VGLL3: variants seen among roughly 807,000 people sequenced by gnomAD.
The protein encoded by VGLL3 is transcription cofactor vestigial-like protein 3.
In VGLL3, 18 loss-of-function variants were observed where a neutral mutation model predicts 29.2. That is an observed-to-expected ratio of 0.62 (90% CI 0.43 to 0.91). The LOEUF (loss-of-function observed/expected upper bound fraction) is 0.91. VGLL3 is among the 40% of genes least tolerant of loss of function. VGLL3 has a pLI of 0.00. For missense variants in VGLL3, 440 were observed against 413.2 expected, an observed-to-expected ratio of 1.06 and a Z score of -0.56; for synonymous variants, 180 against 151.8, an observed-to-expected ratio of 1.19 and a Z score of -1.36.
intron 1 of VGLL3, among the ~76,000 whole-genome samples, chr3:86,982,197 T>A (rs1434337119): frequency 2.0e-5 from 3 of 152,148 alleles, no homozygotes; most frequent in Admixed American, 6.5e-5. Context: ...CAGGCTGGAG[T>A]GCAATGGTGT....
At position 86,990,995 on chromosome 3, in the gene VGLL3, T is replaced by C; in HGVS notation, c.-252A>G. Reference sequence around the variant, plus strand: ...CCGGATGTTCCCTGCCGCGCTTATATAGCGGCTCAGGGACGCAGCCGCCCG... The same window carrying C: ...CCGGATGTTCCCTGCCGCGCTTATACAGCGGCTCAGGGACGCAGCCGCCCG... On this transcript the variant is annotated 5_prime_UTR_variant, in exon 1 of 4. Transcript: ENST00000398399. 1.0e-6 allele frequency: 1 copy of C among 963,312 alleles called. No individual in the cohort carries two copies. Among genetic ancestry groups the C allele is most frequent in the Non-Finnish European group, 1.3e-6 (1 of 799,742 alleles). The allele number at this position is 963,312 out of a possible 1,614,324, so 59.7% of individuals were successfully genotyped here.
intron 2 of VGLL3, among the ~76,000 whole-genome samples, chr3:86,974,931 A>G (rs1575874871): frequency 2.0e-5 from 3 of 152,198 alleles, no homozygotes; most frequent in Admixed American, 6.5e-5. Flanking sequence ...TTTGTTTTCT[A>G]TGTGTCAAAT....
rs941170499 is a variant in VGLL3, at chr3:86,946,068, T to A, written c.*956A>T. 4 of 152,176 alleles carry A rather than the reference T, an allele frequency of 2.6e-5. No individual in the cohort carries two copies. Among genetic ancestry groups the A allele is most frequent in the African/African-American group, 9.6e-5 (4 of 41,460 alleles). 9.4% of individuals were successfully genotyped at this position (152,176 alleles called of 1,614,324 possible). ...AAGTAAAATAAGTCACTGGCACTCA[T>A]AGGTGGCATGGTTAAATGCATTTTT... On this transcript the variant is annotated 3_prime_UTR_variant, in exon 4 of 4. Coordinates refer to ENST00000398399, the MANE Select transcript of VGLL3 (RefSeq NM_016206.4).
chr3:86,988,344 A>G (rs574628184), intron 1 of VGLL3, among the ~76,000 whole-genome samples: 144 of 152,176 alleles, frequency 9.5e-4, no homozygotes, highest in Middle Eastern at 3.4e-3. Flanking sequence ...GTACGGAGAA[A>G]ACAATCTTCA....
At chr3:86,966,223 G>A (rs930959347) in intron 3 of VGLL3, among the ~76,000 whole-genome samples, 1 of 152,020 alleles carries the variant, frequency 6.6e-6, no homozygotes, top group African/African-American at 2.4e-5. Context: ...CAGTAACGGA[G>A]CTCTAAGCTG....
chr3:86,955,088 G>T (rs1704691225), intron 3 of VGLL3, among the ~76,000 whole-genome samples: 1 of 151,914 alleles, frequency 6.6e-6, no homozygotes, highest in Admixed American at 6.6e-5. Context: ...ATCAAAGAAA[G>T]AGCTAATCTG....
At position 86,991,023 on chromosome 3, in the gene VGLL3, G is replaced by T. The variant is rs754775844; in HGVS notation, c.-280C>A. On this transcript the variant is annotated 5_prime_UTR_variant, in exon 1 of 4. Transcript: ENST00000398399. ...CGGCTCAGGGACGCAGCCGCCCGCT[G>T]CGCCGCTGGGGCATTACCGCGTCCG... 1 of 811,014 alleles carries T rather than the reference G, an allele frequency of 1.2e-6. No individual in the cohort carries two copies. Among genetic ancestry groups the T allele is most frequent in the Non-Finnish European group, 1.5e-6 (1 of 665,166 alleles). 50.2% of individuals were successfully genotyped at this position (811,014 alleles called of 1,614,324 possible). A position where few individuals can be genotyped will look rare whatever the true frequency, so the allele number is the denominator to read the frequency against.
chr3:86,962,477 G>A (rs1301538096), intron 3 of VGLL3: 11 of 985,070 alleles, frequency 1.1e-5, no homozygotes, highest in South Asian at 9.4e-5. Flanking sequence ...TCCTATGGCA[G>A]TTTTGCCTAC....
chr3:86,950,930 T>C (rs1033245538), intron 3 of VGLL3, among the ~76,000 whole-genome samples: 4 of 152,206 alleles, frequency 2.6e-5, no homozygotes, highest in Non-Finnish European at 2.9e-5. Context: ...CTCCAGAGTT[T>C]GAGTTTGAAA....
rs1704354060 is a variant in VGLL3 at position 86,939,724 on chromosome 3, T to A, written c.*7300A>T. On this transcript the variant is annotated 3_prime_UTR_variant, in exon 4 of 4. Coordinates refer to ENST00000398399, the MANE Select transcript of VGLL3 (RefSeq NM_016206.4). The stretch of plus-strand genomic sequence containing the variant: ...CACAGATGCAGCTATTGTAATCACA[T>A]GAGTCCTTAAATATGTAAGGGAGAG... 6.6e-6 allele frequency: 1 copy of A among 152,234 alleles called. No homozygotes were observed. The highest frequency in any genetic ancestry group is 1.5e-5 in the Non-Finnish European group (1 of 68,076). The allele number at this position is 152,234 out of a possible 1,614,324, so 9.4% of individuals were successfully genotyped here. A position where few individuals can be genotyped will look rare whatever the true frequency, so the allele number is the denominator to read the frequency against.
intron 1 of VGLL3, among the ~76,000 whole-genome samples, chr3:86,986,811 T>C (rs1705451412): frequency 6.6e-6 from 1 of 152,148 alleles, no homozygotes; most frequent in East Asian, 1.9e-4. Flanking sequence ...ATATACTGTT[T>C]CATCAACAAG....
At chr3:86,973,135 G>T (rs1265127432) in intron 2 of VGLL3, among the ~76,000 whole-genome samples, 1 of 151,492 alleles carries the variant, frequency 6.6e-6, no homozygotes, top group Non-Finnish European at 1.5e-5. Flanking sequence ...AAAAATTTAA[G>T]AAAGATAAGA....
intron 1 of VGLL3, 79 bp from the exon 2 acceptor site, chr3:86,978,881 A>G (rs183121886): frequency 1.4e-6 from 2 of 1,427,848 alleles, no homozygotes; most frequent in East Asian, 2.4e-5. Flanking sequence ...CACTTTTTTA[A>G]AAAAAGAATC....
intron 3 of VGLL3, among the ~76,000 whole-genome samples, chr3:86,947,808 C>T (rs1331673204): frequency 6.6e-6 from 1 of 151,918 alleles, no homozygotes; most frequent in African/African-American, 2.4e-5. Context: ...AAACTCAAAG[C>T]TAAAATCAGT....
At chr3:86,988,011 A>C (rs888172365) in intron 1 of VGLL3, among the ~76,000 whole-genome samples, 3 of 152,190 alleles carry the variant, frequency 2.0e-5, no homozygotes, top group Admixed American at 6.5e-5. Context: ...ATTTGTTAAG[A>C]GGAAAAATAT....
chr3:86,942,374 T>A lies in VGLL3; in HGVS notation c.*4650A>T, dbSNP rs1368684511. ...TTCAATAACTGACACAGTGTCAACA[T>A]CTGCTTCCAATAAGATTGTTTCTTT... On this transcript the variant is annotated 3_prime_UTR_variant, in exon 4 of 4. Transcript: ENST00000398399. The A allele has an allele frequency of 6.6e-6, 1 of 152,176 alleles. No individual in the cohort carries two copies. The highest frequency in any genetic ancestry group is 1.5e-5 in the Non-Finnish European group (1 of 68,024). The allele number at this position is 152,176 out of a possible 1,614,324, so 9.4% of individuals were successfully genotyped here.
At chr3:86,954,833 A>T (rs184595462) in intron 3 of VGLL3, among the ~76,000 whole-genome samples, 2 of 151,662 alleles carry the variant, frequency 1.3e-5, no homozygotes, top group African/African-American at 4.9e-5. Flanking sequence ...GGGAGTGGGG[A>T]AAATGAAATG....
intron 3 of VGLL3, among the ~76,000 whole-genome samples, chr3:86,966,112 G>T (rs747305282): frequency 6.6e-6 from 1 of 152,098 alleles, no homozygotes; most frequent in Non-Finnish European, 1.5e-5. Context: ...GCATGATGGT[G>T]CATTGTCCTC....
intron 2 of VGLL3, among the ~76,000 whole-genome samples, chr3:86,972,146 T>A (rs995554170): frequency 6.6e-6 from 1 of 152,212 alleles, no homozygotes; most frequent in Non-Finnish European, 1.5e-5. Flanking sequence ...CAAATGGGAA[T>A]AATGAATCAA....
Sources: allele counts gnomAD v4.1 joint callset (sites outside exome capture counted in the v4.1 genomes callset), GRCh38; gene constraint gnomAD v4.1.1; transcripts MANE v1.5; gene names NCBI Gene and HGNC (gene_info 2026-07-23, HGNC 2026-07-21).